The following GDF1 variants were observed in gnomAD, a reference collection of about 807,000 sequenced individuals.
GDF1 encodes embryonic growth/differentiation factor 1.
GDF1 carries 8 observed loss-of-function variants against 7.4 expected under a neutral mutation model. The observed-to-expected ratio is 1.09, with a 90% CI of 0.64 to 1.96. The LOEUF is 1.96. GDF1 is among the 30% of genes most tolerant of loss of function. The probability of loss-of-function intolerance (pLI) is 0.00; values close to 1 mark genes in which losing one functional copy is unlikely to be tolerated. For synonymous variants in GDF1, 311 were observed against 276.7 expected, an observed-to-expected ratio of 1.12 and a Z score of -1.23; for missense variants, 574 against 551.5, an observed-to-expected ratio of 1.04 and a Z score of -0.41.
At position 18,870,694 on chromosome 19, in the gene GDF1, T is replaced by C. The variant is rs970529982; in HGVS notation, c.-312-75A>G. 36 of 503,424 alleles carry C rather than the reference T, an allele frequency of 7.2e-5. No homozygotes were observed. Among genetic ancestry groups the C allele is most frequent in the Non-Finnish European group, 1.3e-4 (35 of 278,128 alleles). 31.2% of individuals were successfully genotyped at this position (503,424 alleles called of 1,614,324 possible). ...CTGGCCCTCTTTCCCGCTTCTTCTC[T>C]GGCCGTTTCACACCCCCTGGCTCCT... is the stretch of plus-strand genomic sequence containing the variant. On this transcript the variant is annotated intron_variant, in intron 6 of 7. Coordinates refer to ENST00000247005, the MANE Select transcript of GDF1 (RefSeq NM_001492.6). The surrounding 1 kb of genome is among the most constrained non-coding windows in gnomAD (Gnocchi z 5.1).
intron 5 of GDF1, 32 bp downstream of exon 5, chr19:18,879,209 G>A (rs778108646): frequency 2.1e-5 from 34 of 1,612,258 alleles, no homozygotes; most frequent in South Asian, 3.3e-5. Context: ...GGACGGGACC[G>A]CCACTGTGGA....
At chr19:18,873,944 G>A (rs1214533203) in intron 6 of GDF1, among the ~76,000 whole-genome samples, 1 of 152,076 alleles carries the variant, frequency 6.6e-6, no homozygotes, top group Admixed American at 6.6e-5. Flanking sequence ...ATGGGGGGAG[G>A]AAGATGGGGC....
At position 18,879,341 on chromosome 19, in the gene GDF1, G is replaced by C. The variant is rs1177475505; in HGVS notation, c.-523C>G. On this transcript the variant is annotated 5_prime_UTR_variant, in exon 5 of 8. Coordinates refer to ENST00000247005, the MANE Select transcript of GDF1 (RefSeq NM_001492.6). Reference sequence around the variant, plus strand: ...CACCGTGCGCAGACTGCAGTGACTGGTGGCATACAGGACCTTGAGCGGGAA... The same window carrying C: ...CACCGTGCGCAGACTGCAGTGACTGCTGGCATACAGGACCTTGAGCGGGAA... 1.2e-6 allele frequency: 2 copies of C among 1,601,450 alleles called. No homozygotes were observed. The highest frequency in any genetic ancestry group is 1.7e-6 in the Non-Finnish European group (2 of 1,174,344).
Position 18,868,931 on chromosome 19 carries a change from C to A in GDF1, c.785G>T (p.Gly262Val). 1.5e-6 allele frequency: 2 copies of A among 1,320,640 alleles called. No individual in the cohort carries two copies. Among genetic ancestry groups the A allele is most frequent in the Non-Finnish European group, 1.9e-6 (2 of 1,026,388 alleles). 81.8% of individuals were successfully genotyped at this position (1,320,640 alleles called of 1,614,324 possible). ...RRDAEPVLGGGPGGACRARRL... is the reference protein window; with the variant it reads ...RRDAEPVLGGVPGGACRARRL... ...CCGCGCGCGACAAGCGCCCCCGGGG[C>A]CGCCGCCCAACACGGGTTCGGCGTC... The change falls in exon 8 of 8, where the codon GGC (glycine) becomes GTC (valine). Residue 262 changes from glycine (G) to valine (V), a missense_variant. Coordinates refer to ENST00000247005, the MANE Select transcript of GDF1 (RefSeq NM_001492.6).
At chr19:18,881,167 C>A (rs2056195951) in intron 3 of GDF1, among the ~76,000 whole-genome samples, 1 of 152,038 alleles carries the variant, frequency 6.6e-6, no homozygotes, top group South Asian at 2.1e-4. Context: ...GCAGCCTGGC[C>A]ATCGCTGCAG....
chr19:18,873,472 G>C (rs765461712), intron 6 of GDF1, among the ~76,000 whole-genome samples: 5 of 151,960 alleles, frequency 3.3e-5, no homozygotes, highest in Non-Finnish European at 5.9e-5. Context: ...TGAGTCAGGT[G>C]GATCACCTGA....
chr19:18,893,352 C>T, intron 2 of GDF1, 64 bp downstream of exon 2: 1 of 1,514,288 alleles, frequency 6.6e-7, no homozygotes, highest in East Asian at 2.5e-5. Context: ...GTAGCTGGGA[C>T]CACAAGCCTG....
intron 3 of GDF1, among the ~76,000 whole-genome samples, chr19:18,881,282 C>T (rs956848057): frequency 6.6e-6 from 1 of 151,292 alleles, no homozygotes; most frequent in East Asian, 1.9e-4. Flanking sequence ...CGCAATGGCA[C>T]GATCTCAGCT....
At chr19:18,872,016 T>C (rs1049810196) in intron 6 of GDF1, among the ~76,000 whole-genome samples, 2 of 152,242 alleles carry the variant, frequency 1.3e-5, no homozygotes, top group African/African-American at 4.8e-5. Flanking sequence ...CTCACTGTGT[T>C]TTCCAGAGGG....
intron 3 of GDF1, 92 bp from the exon 4 acceptor site, chr19:18,880,527 C>T (rs2056178888): frequency 7.7e-7 from 1 of 1,291,536 alleles, no homozygotes; most frequent in African/African-American, 1.5e-5. Flanking sequence ...CTGGGCTACA[C>T]CTCAGGCTCC....
chr19:18,891,846 C>T lies in GDF1; in HGVS notation c.-914+1570G>A, dbSNP rs556286782. Among the ~76,000 whole-genome samples, 11 of 151,530 alleles carry T rather than the reference C, an allele frequency of 7.3e-5. No homozygotes were observed. The East Asian group carries it at 2.1e-3, about 29-fold the overall frequency. On this transcript the variant is annotated intron_variant, in intron 2 of 7. Transcript: ENST00000247005. ...TCCGCCTCCCAAAGTGTTAGGATTA[C>T]AGGTGTGAGCCAGTGAGCCACCACG... is the stretch of plus-strand genomic sequence containing the variant.
At chr19:18,879,146 C>T (rs2056128052) in intron 5 of GDF1, 95 bp downstream of exon 5, 1 of 1,591,322 alleles carries the variant, frequency 6.3e-7, no homozygotes, top group East Asian at 2.3e-5. Context: ...CTGTCTGCCA[C>T]CTAACGTGCC....
rs999030522 is a variant in GDF1, at chr19:18,869,417, C to T, written c.326-27G>A. On this transcript the variant is annotated intron_variant, in intron 7 of 7. Transcript: ENST00000247005. Reference sequence around the variant, plus strand: ...TGGGGAGGTAGGAACAGGAACTCGGCTCGCGCTGCGTCCCCGGCCTGCCCA... The same window carrying T: ...TGGGGAGGTAGGAACAGGAACTCGGTTCGCGCTGCGTCCCCGGCCTGCCCA... 4.6e-6 allele frequency: 7 copies of T among 1,524,944 alleles called. No homozygotes were observed. The South Asian group carries it at 8.4e-5, about 18-fold the overall frequency. 94.5% of individuals were successfully genotyped at this position (1,524,944 alleles called of 1,614,324 possible). A position where few individuals can be genotyped will look rare whatever the true frequency, so the allele number is the denominator to read the frequency against.
intron 1 of GDF1, among the ~76,000 whole-genome samples, chr19:18,893,889 A>AG (rs1324013087): frequency 2.7e-5 from 4 of 150,128 alleles, no homozygotes; most frequent in Admixed American, 6.6e-5. Context: ...TGGATGCGTC[A>AG]GCCCAAGGGA....
chr19:18,879,902 C>A (rs1352350659), intron 4 of GDF1, among the ~76,000 whole-genome samples: 1 of 151,294 alleles, frequency 6.6e-6, no homozygotes, highest in Non-Finnish European at 1.5e-5. Flanking sequence ...TCTTTCTCTG[C>A]CTAGCCCTAC....
At chr19:18,886,337 C>T (rs935037826) in intron 2 of GDF1, among the ~76,000 whole-genome samples, 3 of 152,106 alleles carry the variant, frequency 2.0e-5, no homozygotes, top group Admixed American at 1.3e-4. Flanking sequence ...ATCACAAGGT[C>T]AGGAGATCAA....
At chr19:18,894,087 G>A (rs896810282) in intron 1 of GDF1, among the ~76,000 whole-genome samples, 3 of 151,610 alleles carry the variant, frequency 2.0e-5, no homozygotes, top group Admixed American at 1.3e-4. Flanking sequence ...AAGGTGTGGC[G>A]GGGACATGGG....
Position 18,895,998 on chromosome 19 carries a change from G to T in GDF1, c.-1248C>A, listed in dbSNP as rs920203172. 4 of 1,032,152 alleles carry T rather than the reference G, an allele frequency of 3.9e-6. No individual in the cohort carries two copies. Among genetic ancestry groups the T allele is most frequent in the Non-Finnish European group, 4.6e-6 (4 of 861,028 alleles). 63.9% of individuals were successfully genotyped at this position (1,032,152 alleles called of 1,614,324 possible). On this transcript the variant is annotated 5_prime_UTR_variant, in exon 1 of 8. Coordinates refer to ENST00000247005, the MANE Select transcript of GDF1 (RefSeq NM_001492.6). This position sits in a 1 kb window ranked among gnomAD's most constrained non-coding sequence, Gnocchi z 6.4. ...CCGCCGCCAGCGCGCTGCCCCAGCC[G>T]CGCTGCACTAGCTGCGCGTAGCTCG...
At chr19:18,877,032 C>T (rs1352154248) in intron 6 of GDF1, among the ~76,000 whole-genome samples, 1 of 152,196 alleles carries the variant, frequency 6.6e-6, no homozygotes, top group Non-Finnish European at 1.5e-5. Context: ...TTTTGGAAGA[C>T]GTCTCTCAGC....
Sources: gnomAD v4.1 joint callset for allele counts (sites outside exome capture counted in the v4.1 genomes callset) on GRCh38, gnomAD v4.1.1 for gene constraint, Gnocchi (gnomAD v3.1) non-coding constraint, MANE v1.5 for transcripts, NCBI Gene and HGNC (gene_info 2026-07-23, HGNC 2026-07-21) for gene names.